The following KCNMB2 variants were observed in gnomAD, a reference collection of about 807,000 sequenced individuals.
The protein encoded by KCNMB2 is potassium calcium-activated channel subfamily M regulatory beta subunit 2.
A neutral mutation model predicts 24.5 loss-of-function variants in KCNMB2; 9 were observed. The ratio of observed to expected loss-of-function variants is 0.37; its 90% CI spans 0.22 to 0.64. The LOEUF is 0.64. KCNMB2 is among the 30% of genes least tolerant of loss of function. KCNMB2 has a pLI of 0.63. For missense variants in KCNMB2, 226 were observed against 284.3 expected, an observed-to-expected ratio of 0.79 and a Z score of 1.47; for synonymous variants, 109 against 104.4, an observed-to-expected ratio of 1.04 and a Z score of -0.27.
chr3:178,773,027 T>C (rs913223611), intron 1 of KCNMB2, among the ~76,000 whole-genome samples: 1 of 152,078 alleles, frequency 6.6e-6, no homozygotes, highest in Non-Finnish European at 1.5e-5. Context: ...AAAGAAGTTA[T>C]CTATTACTTT....
rs1257499392 is a variant in KCNMB2 at position 178,842,734 on chromosome 3, T to C, written c.505T>C (p.Tyr169His). 1.2e-6 allele frequency: 2 copies of C among 1,613,384 alleles called. No individual in the cohort carries two copies. The highest frequency in any genetic ancestry group is 2.2e-5 in the East Asian group (1 of 44,880). Residue 169 changes from tyrosine to histidine, a missense_variant, in exon 5 of 5, where the codon TAT (tyrosine) becomes CAT (histidine). By Grantham distance (83) the Tyr-to-His change is moderately conservative. Transcript: ENST00000452583. ...VNVVMENFRKYQHFSCYSDPE... is the reference protein window; with the variant it reads ...VNVVMENFRKHQHFSCYSDPE... The stretch of plus-strand genomic sequence containing the variant: ...TGTTGTCATGGAAAACTTCAGGAAG[T>C]ATCAACACTTCTCCTGCTATTCTGA...
At chr3:178,686,876 A>G (rs1043637328) in intron 1 of KCNMB2, among the ~76,000 whole-genome samples, 1 of 151,152 alleles carries the variant, frequency 6.6e-6, no homozygotes, top group African/African-American at 2.4e-5. Flanking sequence ...TAAAAAAAGA[A>G]CAAATCATGT....
chr3:178,728,143 A>G (rs1338661908), intron 1 of KCNMB2, among the ~76,000 whole-genome samples: 1 of 152,196 alleles, frequency 6.6e-6, no homozygotes, highest in Non-Finnish European at 1.5e-5. Context: ...AGACTCTGAT[A>G]ATGGCAATGC....
intron 1 of KCNMB2, among the ~76,000 whole-genome samples, chr3:178,732,790 A>G (rs144181250): frequency 6.6e-6 from 1 of 152,362 alleles, no homozygotes; most frequent in Non-Finnish European, 1.5e-5. Flanking sequence ...AGAGGCTCAC[A>G]GGAACCTAAC....
chr3:178,741,692 A>G (rs1431432226), intron 1 of KCNMB2, among the ~76,000 whole-genome samples: 2 of 152,212 alleles, frequency 1.3e-5, no homozygotes, highest in Non-Finnish European at 2.9e-5. Flanking sequence ...GCTATGAGAA[A>G]GCAAGTTCTT....
chr3:178,695,812 T>C (rs1403600341), intron 1 of KCNMB2, among the ~76,000 whole-genome samples: 1 of 152,202 alleles, frequency 6.6e-6, no homozygotes, highest in African/African-American at 2.4e-5. Context: ...TCTAGGGAGT[T>C]CCAAACTTTC....
At chr3:178,621,682 A>G (rs769437752) in intron 1 of KCNMB2, among the ~76,000 whole-genome samples, 2 of 152,142 alleles carry the variant, frequency 1.3e-5, no homozygotes, top group African/African-American at 2.4e-5. Context: ...TTTGTGAGAT[A>G]AATTACTCTG....
At chr3:178,556,713 C>A (rs1052836767) in intron 1 of KCNMB2, among the ~76,000 whole-genome samples, 2 of 152,102 alleles carry the variant, frequency 1.3e-5, no homozygotes, top group African/African-American at 2.4e-5. Flanking sequence ...CCGACACATA[C>A]TTTTAAAGGA....
At chr3:178,702,554 G>T (rs940692974) in intron 1 of KCNMB2, among the ~76,000 whole-genome samples, 1 of 151,960 alleles carries the variant, frequency 6.6e-6, no homozygotes, top group South Asian at 2.1e-4. Context: ...AGAGCCAAAG[G>T]TCCTCCCCTA....
chr3:178,800,015 C>CA (rs1422466227), intron 1 of KCNMB2, among the ~76,000 whole-genome samples: 2 of 151,902 alleles, frequency 1.3e-5, no homozygotes, highest in Non-Finnish European at 2.9e-5. Context: ...TTGCCATGTG[C>CA]AAAAAACAAA....
At chr3:178,575,448 G>A (rs745368854) in intron 1 of KCNMB2, among the ~76,000 whole-genome samples, 8 of 152,130 alleles carry the variant, frequency 5.3e-5, no homozygotes, top group Admixed American at 3.9e-4. Flanking sequence ...GAGCTGTGAC[G>A]AATCAACTTC....
chr3:178,842,587 C>A, intron 4 of KCNMB2, 66 bp from the exon 5 acceptor site: 2 of 1,067,674 alleles, frequency 1.9e-6, no homozygotes, highest in Non-Finnish European at 2.8e-6. Flanking sequence ...CACAATACTC[C>A]ACCCCCTCCT....
chr3:178,611,021 T>C (rs1227403763), intron 1 of KCNMB2, among the ~76,000 whole-genome samples: 2 of 152,260 alleles, frequency 1.3e-5, no homozygotes, highest in Admixed American at 1.3e-4. Flanking sequence ...TATTCGCTCC[T>C]CCTCTATTTT....
At chr3:178,799,380 C>A (rs995947387) in intron 1 of KCNMB2, among the ~76,000 whole-genome samples, 1 of 151,990 alleles carries the variant, frequency 6.6e-6, no homozygotes, top group Non-Finnish European at 1.5e-5. Context: ...TTTCTATATG[C>A]CAACAGCAAA....
intron 1 of KCNMB2, among the ~76,000 whole-genome samples, chr3:178,788,900 T>C (rs936005186): frequency 2.2e-4 from 33 of 152,238 alleles, no homozygotes; most frequent in Admixed American, 2.2e-3. Flanking sequence ...TGTTTATCAA[T>C]ATGTTCCCAA....
At chr3:178,814,680 G>T (rs1270578050) in intron 2 of KCNMB2, among the ~76,000 whole-genome samples, 2 of 151,966 alleles carry the variant, frequency 1.3e-5, no homozygotes, top group Non-Finnish European at 2.9e-5. Flanking sequence ...ATCCTGCATG[G>T]TCTCATTGTG....
At chr3:178,657,343 G>C (rs1720381282) in intron 1 of KCNMB2, among the ~76,000 whole-genome samples, 1 of 152,192 alleles carries the variant, frequency 6.6e-6, no homozygotes, top group Non-Finnish European at 1.5e-5. Flanking sequence ...CTCCAGCCTG[G>C]AGTTGAGAGC....
At chr3:178,735,825 C>T (rs1723295882) in intron 1 of KCNMB2, among the ~76,000 whole-genome samples, 1 of 152,156 alleles carries the variant, frequency 6.6e-6, no homozygotes, top group Admixed American at 6.5e-5. Context: ...GAAGAAGAGA[C>T]TCACTTTTTC....
chr3:178,616,100 C>T (rs1050352330), intron 1 of KCNMB2, among the ~76,000 whole-genome samples: 1 of 151,992 alleles, frequency 6.6e-6, no homozygotes, highest in African/African-American at 2.4e-5. Flanking sequence ...AAGAAGGGCT[C>T]TCTTTTGGAT....
Sources: gnomAD v4.1 joint callset for allele counts (sites outside exome capture counted in the v4.1 genomes callset) on GRCh38, gnomAD v4.1.1 for gene constraint, MANE v1.5 for transcripts, NCBI Gene and HGNC (gene_info 2026-07-23, HGNC 2026-07-21) for gene names.